Variants in CFAP20DC observed in about 807,000 individuals in gnomAD.
CFAP20DC encodes the protein CFAP20 domain containing, also known as protein CFAP20DC.
Under a neutral mutation model 101.7 loss-of-function variants are expected in CFAP20DC, and 84 were observed. That is an observed-to-expected ratio of 0.83 (90% CI 0.69 to 0.99). The LOEUF (loss-of-function observed/expected upper bound fraction) is 0.99, where lower values mean the gene tolerates loss of function less well. Ranked by LOEUF, CFAP20DC falls within the 50% of genes least tolerant of loss-of-function variation. CFAP20DC has a pLI of 0.00. For missense variants in CFAP20DC, 1,007 were observed against 970.3 expected (o/e 1.04, Z -0.50); for synonymous variants, 359 against 351.2 (o/e 1.02, Z -0.25).
At chr3:58,763,308 C>T (rs931955826) in intron 15 of CFAP20DC, among the ~76,000 whole-genome samples, 1 of 152,114 alleles carries the variant, frequency 6.6e-6, no homozygotes, top group African/African-American at 2.4e-5. Context: ...TCACTGACAC[C>T]CTTTCTTCCA....
chr3:58,841,956 G>A (rs568471920), intron 13 of CFAP20DC, among the ~76,000 whole-genome samples: 6 of 152,260 alleles, frequency 3.9e-5, no homozygotes, highest in South Asian at 4.2e-4. Flanking sequence ...ACAGTTATAC[G>A]TGCGAAAAAG....
chr3:58,817,986 C>T (rs1467231419), intron 14 of CFAP20DC, among the ~76,000 whole-genome samples: 1 of 150,648 alleles, frequency 6.6e-6, no homozygotes, highest in African/African-American at 2.5e-5. Context: ...AGCCAATATT[C>T]AACATTCTTA....
intron 13 of CFAP20DC, among the ~76,000 whole-genome samples, chr3:58,840,359 C>A (rs1219631832): frequency 1.3e-5 from 2 of 152,072 alleles, no homozygotes; most frequent in African/African-American, 4.8e-5. Flanking sequence ...CTAGTTATGC[C>A]CAAATTCAAT....
At chr3:58,997,885 TATAGGGGGGTCC>T (rs1418441135) in intron 4 of CFAP20DC, among the ~76,000 whole-genome samples, 1 of 151,934 alleles carries the variant, frequency 6.6e-6, no homozygotes, top group Non-Finnish European at 1.5e-5. Flanking sequence ...GGGGAGTGGG[TATAGGGGGGTCC>T]AGCAAAGAAT....
rs867004822 is a variant in CFAP20DC, at chr3:58,834,803, T to A, written c.1972-2914A>T. On this transcript the variant is annotated intron_variant, in intron 13 of 16. Transcript: ENST00000482387. Reference sequence around the variant, plus strand: ...GTCTCCAAATGCGTGATTTGTACCTTTAATGGAAAATTTTTGAATGTGTAC... The same window carrying A: ...GTCTCCAAATGCGTGATTTGTACCTATAATGGAAAATTTTTGAATGTGTAC... Among the ~76,000 whole-genome samples the A allele has an allele frequency of 2.3e-4, 35 of 152,286 alleles. No homozygotes were observed. In the Middle Eastern group the frequency reaches 0.01, roughly 44 times the overall value.
chr3:59,022,575 TA>T (rs1369804116), intron 4 of CFAP20DC, among the ~76,000 whole-genome samples: 2 of 151,752 alleles, frequency 1.3e-5, no homozygotes, highest in African/African-American at 4.8e-5. Context: ...CATTTAACCT[TA>T]AAAAAAAGAG....
chr3:58,727,809 T>G (rs2067577941), intron 3 of CFAP20DC: 1 of 152,256 alleles, frequency 6.6e-6, no homozygotes, highest in South Asian at 2.1e-4. Context: ...AGAAAAGTTG[T>G]GTTTTCATCT....
intron 7 of CFAP20DC, among the ~76,000 whole-genome samples, chr3:58,881,841 CTT>C (rs1366498679): frequency 6.6e-6 from 1 of 152,244 alleles, no homozygotes; most frequent in African/African-American, 2.4e-5. Context: ...TATCTCTTGG[CTT>C]TCCCATGATT....
At position 58,724,157 on chromosome 3, in the gene CFAP20DC, T is replaced by C. The variant is rs57186398; in HGVS notation, c.198-6529A>G. On this transcript the variant is annotated intron_variant, in intron 3 of 3. Coordinates refer to the CFAP20DC transcript ENST00000486145. The surrounding 1 kb of genome is among the most constrained non-coding windows in gnomAD (Gnocchi z 5.6). ...TTGTGGGGGTCAAGCAGGTTCTTCC[T>C]TTTCCCTGCTGGGGCTGGCTGGAGG... 0.025 allele frequency among the ~76,000 whole-genome samples: 3,785 copies of C among 152,236 alleles called. 163 individuals are homozygous for C. The highest frequency in any genetic ancestry group is 0.086 in the African/African-American group (3,584 of 41,512).
intron 14 of CFAP20DC, among the ~76,000 whole-genome samples, chr3:58,808,282 A>T (rs1290084594): frequency 1.3e-5 from 2 of 152,244 alleles, no homozygotes; most frequent in African/African-American, 4.8e-5. Context: ...CAAAGTTGAA[A>T]TGAAGGAAAA....
intron 4 of CFAP20DC, among the ~76,000 whole-genome samples, chr3:58,951,723 C>T (rs542741427): frequency 1.3e-5 from 2 of 150,934 alleles, no homozygotes; most frequent in South Asian, 2.1e-4. Flanking sequence ...CACATGGACA[C>T]AGGAAGGGGA....
In CFAP20DC at chr3:58,861,215, A is replaced by T. The variant is rs1243768705; in HGVS notation, c.1593+2343T>A. On this transcript the variant is annotated intron_variant, in intron 12 of 16. Coordinates refer to ENST00000482387, the MANE Select transcript of CFAP20DC (RefSeq NM_001394063.1). The surrounding 1 kb of genome is among the most constrained non-coding windows in gnomAD (Gnocchi z 4.0). ...AAATACATCTCATTTTCCTTTAAAA[A>T]TACTCAATGGGCTAACATCAAATAA... is the stretch of plus-strand genomic sequence containing the variant. 1.1e-5 allele frequency: 4 copies of T among 353,192 alleles called. No individual in the cohort carries two copies. Among genetic ancestry groups the T allele is most frequent in the Non-Finnish European group, 1.6e-5 (4 of 251,932 alleles). The allele number at this position is 353,192 out of a possible 1,614,324, so 21.9% of individuals were successfully genotyped here. A position where few individuals can be genotyped will look rare whatever the true frequency, so the allele number is the denominator to read the frequency against.
At position 58,869,713 on chromosome 3, in the gene CFAP20DC, A is replaced by G. The variant is rs1387965155; in HGVS notation, c.853-223T>C. ...AGACATGCAAGTCTCCTAGACACAT[A>G]AATTAAAATGTGCTTATTTGCTACA... On this transcript the variant is annotated intron_variant, in intron 8 of 16. Coordinates refer to ENST00000482387, the MANE Select transcript of CFAP20DC (RefSeq NM_001394063.1). This position sits in a 1 kb window ranked among gnomAD's most constrained non-coding sequence, Gnocchi z 4.3. Among the ~76,000 whole-genome samples, 1 of 152,230 alleles carries G rather than the reference A, an allele frequency of 6.6e-6. No homozygotes were observed. The highest frequency in any genetic ancestry group is 6.5e-5 in the Admixed American group (1 of 15,284).
chr3:58,832,400 T>C (rs1010065610), intron 13 of CFAP20DC, among the ~76,000 whole-genome samples: 2 of 152,180 alleles, frequency 1.3e-5, no homozygotes, highest in African/African-American at 4.8e-5. Flanking sequence ...CTTTCCTAGG[T>C]CTGGTGCCTA....
At chr3:58,918,005 T>C (rs1302130733) in intron 5 of CFAP20DC, among the ~76,000 whole-genome samples, 1 of 152,152 alleles carries the variant, frequency 6.6e-6, no homozygotes, top group Non-Finnish European at 1.5e-5. Flanking sequence ...GAGCAAACTA[T>C]CTCTTACTGA....
intron 13 of CFAP20DC, among the ~76,000 whole-genome samples, chr3:58,848,076 G>A (rs2077870885): frequency 7.0e-6 from 1 of 142,014 alleles, no homozygotes; most frequent in Non-Finnish European, 1.5e-5. Context: ...TAGATGACGA[G>A]TTAGTGGGTG....
chr3:58,821,538 GA>G (rs1339143808), intron 14 of CFAP20DC, among the ~76,000 whole-genome samples: 12 of 150,816 alleles, frequency 8.0e-5, no homozygotes, highest in Non-Finnish European at 1.6e-4. Flanking sequence ...AAAAACACAT[GA>G]AAAAATGCTC....
intron 15 of CFAP20DC, among the ~76,000 whole-genome samples, chr3:58,777,861 G>A (rs2071477333): frequency 6.6e-6 from 1 of 152,160 alleles, no homozygotes; most frequent in Admixed American, 6.5e-5. Context: ...ATGCTGCAGA[G>A]AGACAGTTCA....
intron 3 of CFAP20DC, among the ~76,000 whole-genome samples, chr3:59,043,348 G>A (rs1699568599): frequency 6.6e-6 from 1 of 151,952 alleles, no homozygotes; most frequent in Non-Finnish European, 1.5e-5. Context: ...GTATGAGTGA[G>A]GAAAATATAA....
Sources: gnomAD v4.1 joint callset for allele counts (sites outside exome capture counted in the v4.1 genomes callset) on GRCh38, gnomAD v4.1.1 for gene constraint, Gnocchi (gnomAD v3.1) non-coding constraint, MANE v1.5 for transcripts, NCBI Gene and HGNC (gene_info 2026-07-23, HGNC 2026-07-21) for gene names.